SGCZ: variants seen among roughly 807,000 people sequenced by gnomAD.
SGCZ encodes zeta-sarcoglycan.
In SGCZ, 40 loss-of-function variants were observed where a neutral mutation model predicts 41.3. The observed-to-expected ratio is 0.97, with a 90% CI of 0.75 to 1.26. The LOEUF (loss-of-function observed/expected upper bound fraction) is 1.26, where lower values mean the gene tolerates loss of function less well. Ranked by LOEUF, SGCZ falls within the 50% of genes most tolerant of loss-of-function variation. The pLI is 0.00. For synonymous variants in SGCZ, 206 were observed against 137.5 expected, an observed-to-expected ratio of 1.50 and a Z score of -3.49; for missense variants, 552 against 369.8, an observed-to-expected ratio of 1.49 and a Z score of -4.04.
In SGCZ at chr8:15,236,920, C is replaced by T. The variant is rs57302050; in HGVS notation, c.39+665G>A. ...GGCTCCCGCCTCCCCGCCCCCTGCC[C>T]GAGTCCCCGGACCTGCTCCCGCGCC... On this transcript the variant is annotated intron_variant, in intron 1 of 7. Transcript: ENST00000382080. Among the ~76,000 whole-genome samples the T allele has an allele frequency of 1.6e-3, 238 of 152,274 alleles. 3 individuals carry two copies. Among genetic ancestry groups the T allele is most frequent in the African/African-American group, 5.2e-3 (216 of 41,576 alleles).
chr8:14,590,698 T>C (rs1279513725), intron 1 of SGCZ, among the ~76,000 whole-genome samples: 2 of 148,798 alleles, frequency 1.3e-5, no homozygotes, highest in Admixed American at 6.7e-5. Flanking sequence ...TACATATATA[T>C]GTATAAACAG....
intron 1 of SGCZ, among the ~76,000 whole-genome samples, chr8:15,071,528 A>G (rs1805349848): frequency 6.6e-6 from 1 of 152,180 alleles, no homozygotes; most frequent in Non-Finnish European, 1.5e-5. Context: ...GCCAATAAGG[A>G]TCAAATAAAA....
chr8:14,094,450 C>T (rs13263748), intron 7 of SGCZ, among the ~76,000 whole-genome samples: 51,706 of 151,812 alleles, frequency 0.34, 11,155 homozygotes, highest in Non-Finnish European at 0.49. Flanking sequence ...TCCATGTCCC[C>T]GCAAAGGACA....
intron 1 of SGCZ, among the ~76,000 whole-genome samples, chr8:14,591,298 A>C (rs114338467): frequency 0.017 from 2,543 of 152,064 alleles, 67 homozygotes; most frequent in African/African-American, 0.057. Context: ...GAAATTAAAT[A>C]TTATGTTTTA....
intron 1 of SGCZ, among the ~76,000 whole-genome samples, chr8:14,714,112 T>G (rs1809611508): frequency 6.6e-6 from 1 of 151,962 alleles, no homozygotes; most frequent in South Asian, 2.1e-4. Flanking sequence ...GGATTACAGG[T>G]GCCCACCACC....
chr8:14,337,682 A>C (rs73664306), intron 2 of SGCZ, among the ~76,000 whole-genome samples: 6,802 of 152,218 alleles, frequency 0.045, 501 homozygotes, highest in African/African-American at 0.15. Context: ...CCAAATGAGT[A>C]TGATCTATGG....
chr8:14,702,931 A>AGATAGAT (rs1554483918), intron 1 of SGCZ, among the ~76,000 whole-genome samples: 1 of 91,790 alleles, frequency 1.1e-5, no homozygotes, highest in African/African-American at 3.9e-5. Context: ...GTAGGTAGAT[A>AGATAGAT]GATAGATAGA....
intron 1 of SGCZ, among the ~76,000 whole-genome samples, chr8:14,785,414 T>G (rs1800737370): frequency 6.6e-6 from 1 of 152,076 alleles, no homozygotes; most frequent in Non-Finnish European, 1.5e-5. Context: ...TCCATATATA[T>G]TTTTTTAATT....
At chr8:14,621,657 C>G (rs1019933276) in intron 1 of SGCZ, among the ~76,000 whole-genome samples, 3 of 151,998 alleles carry the variant, frequency 2.0e-5, no homozygotes, top group African/African-American at 7.2e-5. Context: ...GAGCAAGAGA[C>G]TGAGAGAGAG....
At chr8:14,211,380 C>T (rs1347189388) in intron 4 of SGCZ, among the ~76,000 whole-genome samples, 1 of 152,088 alleles carries the variant, frequency 6.6e-6, no homozygotes, top group Admixed American at 6.5e-5. Context: ...CCCCTGACAC[C>T]GTCCATACTT....
intron 7 of SGCZ, among the ~76,000 whole-genome samples, chr8:14,094,093 T>G (rs1801770683): frequency 6.6e-6 from 1 of 152,094 alleles, no homozygotes; most frequent in African/African-American, 2.4e-5. Flanking sequence ...CTGTTTTCTC[T>G]TCCATATACC....
At chr8:14,518,825 G>C (rs957212776) in intron 2 of SGCZ, among the ~76,000 whole-genome samples, 2 of 150,862 alleles carry the variant, frequency 1.3e-5, no homozygotes, top group Non-Finnish European at 2.9e-5. Flanking sequence ...GGGAGGCCAA[G>C]GCAGGAGGAT....
intron 2 of SGCZ, among the ~76,000 whole-genome samples, chr8:14,432,300 TAGATAA>T (rs1799965079): frequency 6.6e-6 from 1 of 152,026 alleles, no homozygotes; most frequent in Non-Finnish European, 1.5e-5. Context: ...GATCAACAAA[TAGATAA>T]AGAAACTGTG....
chr8:15,133,627 C>G (rs1339071554), intron 1 of SGCZ, among the ~76,000 whole-genome samples: 4 of 152,164 alleles, frequency 2.6e-5, no homozygotes, highest in Admixed American at 1.3e-4. Flanking sequence ...TGCCACATAA[C>G]CACAGTAAAC....
At chr8:14,181,990 C>T (rs535054275) in intron 4 of SGCZ, among the ~76,000 whole-genome samples, 15 of 152,244 alleles carry the variant, frequency 9.9e-5, no homozygotes, top group Admixed American at 6.5e-4. Flanking sequence ...GGTTACATAC[C>T]TAACCTCAAA....
intron 1 of SGCZ, among the ~76,000 whole-genome samples, chr8:14,749,840 A>AT (rs1799447687): frequency 6.6e-6 from 1 of 152,180 alleles, no homozygotes; most frequent in South Asian, 2.1e-4. Context: ...AACTAAACAC[A>AT]TTTTATCCTT....
At chr8:14,843,367 A>G (rs1802991792) in intron 1 of SGCZ, among the ~76,000 whole-genome samples, 2 of 152,246 alleles carry the variant, frequency 1.3e-5, no homozygotes, top group Admixed American at 1.3e-4. Flanking sequence ...TTAATGTCAT[A>G]AAACTAGTGA....
chr8:14,237,500 A>AACAACAACAACG, intron 4 of SGCZ, 92 bp downstream of exon 4: 1 of 1,157,702 alleles, frequency 8.6e-7, no homozygotes, highest in South Asian at 1.3e-5. Flanking sequence ...CAACAACAAC[A>AACAACAACAACG]ACAACAACGA....
intron 1 of SGCZ, among the ~76,000 whole-genome samples, chr8:14,638,531 A>G (rs988705768): frequency 6.6e-6 from 1 of 151,824 alleles, no homozygotes; most frequent in Non-Finnish European, 1.5e-5. Context: ...TGCAAGACAC[A>G]TTATAAACTC....
Sources: gnomAD v4.1 joint callset for allele counts (sites outside exome capture counted in the v4.1 genomes callset) on GRCh38, gnomAD v4.1.1 for gene constraint, MANE v1.5 for transcripts, NCBI Gene and HGNC (gene_info 2026-07-23, HGNC 2026-07-21) for gene names.